Variants in YTHDF3 observed in about 807,000 individuals in gnomAD.
YTHDF3 encodes the protein YTH domain-containing family protein 3.
YTHDF3 carries 9 observed loss-of-function variants against 52.5 expected under a neutral mutation model. The observed-to-expected ratio is 0.17, with a 90% CI of 0.10 to 0.30. The LOEUF (loss-of-function observed/expected upper bound fraction) is 0.30, where lower values mean the gene tolerates loss of function less well. Ranked by LOEUF, YTHDF3 falls within the 10% of genes least tolerant of loss-of-function variation. The pLI, the probability that YTHDF3 is intolerant of heterozygous loss-of-function variation, is 1.00. For missense variants in YTHDF3, 534 were observed against 715.0 expected (o/e 0.75, Z 2.89); for synonymous variants, 274 against 243.3 (o/e 1.13, Z -1.18).
chr8:63,211,340 A>G lies in YTHDF3; in HGVS notation c.*1634A>G, dbSNP rs1011549859. Reference sequence around the variant, plus strand: ...AACATCAAAATATTAATGGTATATTATAAAATAAAGACTTTCTTAAAGGAA... The same window carrying G: ...AACATCAAAATATTAATGGTATATTGTAAAATAAAGACTTTCTTAAAGGAA... On this transcript the variant is annotated 3_prime_UTR_variant, in exon 5 of 5. Coordinates refer to ENST00000539294, the MANE Select transcript of YTHDF3 (RefSeq NM_152758.6). The G allele has an allele frequency of 1.4e-4, 21 of 152,524 alleles. No homozygotes were observed. Among genetic ancestry groups the G allele is most frequent in the African/African-American group, 3.9e-4 (16 of 41,462 alleles). The allele number at this position is 152,524 out of a possible 1,614,324, so 9.4% of individuals were successfully genotyped here. A position where few individuals can be genotyped will look rare whatever the true frequency, so the allele number is the denominator to read the frequency against.
intron 4 of YTHDF3, chr8:63,188,878 A>C (rs948677063): frequency 4.6e-5 from 7 of 150,538 alleles, no homozygotes; most frequent in African/African-American, 1.7e-4. Context: ...CATGCCTGCC[A>C]AATTTTTGTA....
intron 3 of YTHDF3, among the ~76,000 whole-genome samples, chr8:63,185,668 C>G (rs1174624815): frequency 6.6e-6 from 1 of 152,216 alleles, no homozygotes; most frequent in African/African-American, 2.4e-5. Context: ...AATGGTTGAA[C>G]TGGATTCCAT....
At chr8:63,199,995 T>G (rs1424764530) in intron 4 of YTHDF3, among the ~76,000 whole-genome samples, 4 of 152,104 alleles carry the variant, frequency 2.6e-5, no homozygotes, top group Non-Finnish European at 5.9e-5. Context: ...AACATACAGT[T>G]TACAGTTTTT....
At chr8:63,183,287 A>G (rs1004131901) in intron 3 of YTHDF3, among the ~76,000 whole-genome samples, 4 of 152,054 alleles carry the variant, frequency 2.6e-5, no homozygotes, top group African/African-American at 7.2e-5. Context: ...TCAGTTACAT[A>G]TATTCGTTTA....
intron 2 of YTHDF3, chr8:63,173,829 T>G (rs1807507003): frequency 3.7e-6 from 1 of 268,814 alleles, no homozygotes; most frequent in Non-Finnish European, 5.7e-6. Flanking sequence ...CTAGTTCTGA[T>G]GCAGTCCTTA....
chr8:63,169,105 G>A, intron 1 of YTHDF3: 1 of 1,384,394 alleles, frequency 7.2e-7, no homozygotes, highest in Non-Finnish European at 9.3e-7. Flanking sequence ...TGCCGCGGCG[G>A]GTGGGGGCAA....
rs1171112629 is a variant in YTHDF3, at chr8:63,182,963, T to TC, written c.136-3184_136-3183insC. Among the ~76,000 whole-genome samples the TC allele has an allele frequency of 2.0e-5, 3 of 151,424 alleles. No individual in the cohort carries two copies. The East Asian group carries it at 5.8e-4, about 29-fold the overall frequency. ...ACAGTAGACAGTTTTATCTTTTTTT[T>TC]TTTTTTTCTTTTTTGAGACAGTCTC... On this transcript the variant is annotated intron_variant, in intron 3 of 4. Coordinates refer to ENST00000539294, the MANE Select transcript of YTHDF3 (RefSeq NM_152758.6).
intron 4 of YTHDF3, among the ~76,000 whole-genome samples, chr8:63,197,301 A>G (rs1318785558): frequency 6.6e-6 from 1 of 152,234 alleles, no homozygotes; most frequent in Non-Finnish European, 1.5e-5. Flanking sequence ...ATGAATGTGT[A>G]GAATTTTTTC....
intron 4 of YTHDF3, among the ~76,000 whole-genome samples, chr8:63,193,659 C>A (rs1296060381): frequency 6.6e-6 from 1 of 151,862 alleles, no homozygotes; most frequent in South Asian, 2.1e-4. Flanking sequence ...GAAAAGATAA[C>A]CAATAGAAAA....
intron 3 of YTHDF3, among the ~76,000 whole-genome samples, chr8:63,179,312 C>G (rs1199628315): frequency 1.3e-5 from 2 of 151,810 alleles, no homozygotes; most frequent in African/African-American, 4.8e-5. Context: ...GGAAGGTCAG[C>G]AGATAAACAA....
At chr8:63,199,432 G>T (rs781064918) in intron 4 of YTHDF3, among the ~76,000 whole-genome samples, 10 of 152,142 alleles carry the variant, frequency 6.6e-5, no homozygotes, top group African/African-American at 2.4e-4. Flanking sequence ...ATAATTCGTT[G>T]TAAGTGGACT....
chr8:63,190,151 A>G (rs1163747342), intron 4 of YTHDF3, among the ~76,000 whole-genome samples: 1 of 152,330 alleles, frequency 6.6e-6, no homozygotes, highest in East Asian at 1.9e-4. Flanking sequence ...TTAGGCAGTT[A>G]GATGTCCGAG....
Position 63,208,858 on chromosome 8 carries a change from TTTGTTG to T in YTHDF3, c.1735-803_1735-798del, listed in dbSNP as rs374044131. On this transcript the variant is annotated intron_variant, in intron 4 of 4. Coordinates refer to ENST00000539294, the MANE Select transcript of YTHDF3 (RefSeq NM_152758.6). ...CTGAATTTGTCTAACACTCATCTTT[TTTGTTG>T]TTGTTGTTGTTGTTGTTGTTGAGAT... Among the ~76,000 whole-genome samples, 11 of 151,812 alleles carry T rather than the reference TTTGTTG, an allele frequency of 7.2e-5. No homozygotes were observed. In the East Asian group the frequency reaches 9.6e-4, roughly 13 times the overall value.
intron 4 of YTHDF3, among the ~76,000 whole-genome samples, chr8:63,205,495 G>C (rs1809969663): frequency 6.7e-6 from 1 of 149,428 alleles, no homozygotes; most frequent in South Asian, 2.1e-4. Flanking sequence ...GTGCAGTGGT[G>C]CAATCTTGGC....
Position 63,186,539 on chromosome 8 carries a change from T to C in YTHDF3, c.528T>C (p.Asp176=), listed in dbSNP as rs1215385250. 1 of 1,614,024 alleles carries C rather than the reference T, an allele frequency of 6.2e-7. No homozygotes were observed. ...ATGGACAGGCTGGATTTGGCAATGA[T>C]ACTTTGAGTAAGGTGCCTGGCATTA... is the stretch of plus-strand genomic sequence containing the variant. ...ITDGQAGFGN[D]TLSKVPGISS... is the part of the protein sequence containing the mutation. Residue 176 remains aspartate (D), a synonymous_variant, in exon 4 of 5, where the codon GAT becomes GAC. Transcript: ENST00000539294.
chr8:63,169,388 G>C lies in YTHDF3; in HGVS notation c.26G>C (p.Arg9Thr), dbSNP rs1024917698. 6.2e-7 allele frequency: 1 copy of C among 1,601,278 alleles called. No individual in the cohort carries two copies. The highest frequency in any genetic ancestry group is 8.5e-7 in the Non-Finnish European group (1 of 1,173,176). Reference sequence around the variant, plus strand: ...CGCATCTTTCGTCTTGCAACACAGAGACCTAAAGGGCAAGGAAATAAAGGT... The same window carrying C: ...CGCATCTTTCGTCTTGCAACACAGACACCTAAAGGGCAAGGAAATAAAGGT... Reference protein sequence around the residue: MSATSVDQRPKGQGNKVSV... With the variant: MSATSVDQTPKGQGNKVSV... Residue 9 changes from arginine (R) to threonine (T), a missense_variant and splice_region_variant, in exon 2 of 5, where the codon AGA becomes ACA. Around this residue, in one of 3 missense-constraint regions of YTHDF3, gnomAD observed 196 missense variants for 299.5 expected, o/e 0.65. Coordinates refer to ENST00000539294, the MANE Select transcript of YTHDF3 (RefSeq NM_152758.6).
At chr8:63,173,387 A>G (rs1297402663) in intron 2 of YTHDF3, among the ~76,000 whole-genome samples, 1 of 151,850 alleles carries the variant, frequency 6.6e-6, no homozygotes, top group Non-Finnish European at 1.5e-5. Flanking sequence ...CTATAGGCAC[A>G]TGCCACCACT....
intron 4 of YTHDF3, among the ~76,000 whole-genome samples, chr8:63,206,166 C>T (rs1196989249): frequency 2.0e-5 from 3 of 151,976 alleles, no homozygotes; most frequent in African/African-American, 4.8e-5. Context: ...CTCTGCCTCC[C>T]GGGTTCAAGT....
At chr8:63,171,167 A>G (rs550490143) in intron 2 of YTHDF3, among the ~76,000 whole-genome samples, 98 of 152,284 alleles carry the variant, frequency 6.4e-4, no homozygotes, top group African/African-American at 2.3e-3. Flanking sequence ...GGTTAGAATA[A>G]TGGATTGGGA....
Sources: gnomAD v4.1 joint callset for allele counts (sites outside exome capture counted in the v4.1 genomes callset) on GRCh38, gnomAD v4.1.1 for gene constraint, gnomAD v4.1.1 regional missense constraint, MANE v1.5 for transcripts, NCBI Gene and HGNC (gene_info 2026-07-23, HGNC 2026-07-21) for gene names.